Variants in DUOX2 observed in about 807,000 individuals in gnomAD.
DUOX2 encodes the protein NADH/NADPH thyroid oxidase p138-tox.
DUOX2 carries 185 observed loss-of-function variants against 183.3 expected under a neutral mutation model. The ratio of observed to expected loss-of-function variants is 1.01; its 90% CI spans 0.90 to 1.14. The LOEUF (loss-of-function observed/expected upper bound fraction) is 1.14, where lower values mean the gene tolerates loss of function less well. DUOX2 is among the 50% of genes most tolerant of loss of function. The pLI, the probability that DUOX2 is intolerant of heterozygous loss-of-function variation, is 0.00. For synonymous variants in DUOX2, 788 were observed against 812.4 expected (o/e 0.97, Z 0.51); for missense variants, 1,999 against 2,022.9 (o/e 0.99, Z 0.23).
At chr15:45,109,856 A>C (rs1016224738) in intron 10 of DUOX2, 34 bp downstream of exon 10, 15 of 1,597,006 alleles carry the variant, frequency 9.4e-6, no homozygotes, top group Non-Finnish European at 1.3e-5. Context: ...ACTGACCTTG[A>C]CCCATCTTCC....
At position 45,096,121 on chromosome 15, in the gene DUOX2, T is replaced by G. The variant is rs1352910686; in HGVS notation, c.3848-61A>C. 7 of 1,415,168 alleles carry G rather than the reference T, an allele frequency of 4.9e-6. No homozygotes were observed. The South Asian group carries it at 5.8e-5, about 12-fold the overall frequency. The allele number at this position is 1,415,168 out of a possible 1,614,324, so 87.7% of individuals were successfully genotyped here. ...AGGCCTGCTCCTGGTACCTGAGGAC[T>G]GATAGGCACCTGTCCTCTTCACACC... On this transcript the variant is annotated intron_variant, in intron 29 of 33. Coordinates refer to ENST00000389039, the MANE Select transcript of DUOX2 (RefSeq NM_001363711.2).
intron 15 of DUOX2, 43 bp downstream of exon 15, chr15:45,106,789 G>A (rs1894227613): frequency 6.3e-7 from 1 of 1,598,870 alleles, no homozygotes; most frequent in Non-Finnish European, 8.5e-7. Flanking sequence ...AGCAGGAAAT[G>A]AGGGGCAGGG....
Position 45,112,561 on chromosome 15 carries a change from G to A in DUOX2, c.318C>T (p.Val106=), listed in dbSNP as rs750730588. The change falls in exon 4 of 34, where the codon GTC becomes GTT. Residue 106 remains valine, a synonymous_variant. Transcript: ENST00000389039. ...CTCCCCCTTTGCCCTCACCAAAGAAGACCCCCAGTACGGTGCGGTTGTGGA... is the reference window on the plus strand; with the variant it reads ...CTCCCCCTTTGCCCTCACCAAAGAAAACCCCCAGTACGGTGCGGTTGTGGA... The part of the protein sequence containing the change: ...PSLHNRTVLG[V]FFGYHVLSDV... 1.9e-6 allele frequency: 3 copies of A among 1,612,942 alleles called. No homozygotes were observed. The South Asian group carries it at 3.3e-5, about 18-fold the overall frequency.
chr15:45,106,159 G>T lies in DUOX2; in HGVS notation c.2114C>A (p.Thr705Asn). ...CTCCTTAGGGATCTTGAGCAGCAGG[G>T]TGCGGCATCCTCGGTTGTTGGACAG... is the stretch of plus-strand genomic sequence containing the variant. ...LILSNNRGCR[T>N]LLLKIPKEYD... is the part of the protein sequence containing the mutation. The change falls in exon 17 of 34, where the codon ACC (threonine) becomes AAC (asparagine). Residue 705 changes from threonine to asparagine, a missense_variant. Transcript: ENST00000389039. 1 of 1,614,248 alleles carries T rather than the reference G, an allele frequency of 6.2e-7. No homozygotes were observed. Among genetic ancestry groups the T allele is most frequent in the South Asian group, 1.1e-5 (1 of 91,088 alleles).
Position 45,095,831 on chromosome 15 carries a change from T to C in DUOX2, c.4077A>G (p.Pro1359=). 1 of 1,613,722 alleles carries C rather than the reference T, an allele frequency of 6.2e-7. No individual in the cohort carries two copies. Among genetic ancestry groups the C allele is most frequent in the Non-Finnish European group, 8.5e-7 (1 of 1,179,754 alleles). Residue 1359 remains proline (P), a synonymous_variant, in exon 30 of 34, where the codon CCA becomes CCG. Coordinates refer to ENST00000389039, the MANE Select transcript of DUOX2 (RefSeq NM_001363711.2). ...CAGGGTTCCCAGTGACGGGCACCTT[T>C]GGGTATCCAGCACAGCCATTGCCCT... ...SPKGNGCAGY[P]KLYLDGPFGE...
chr15:45,108,507 G>T, intron 12 of DUOX2: 1 of 600,828 alleles, frequency 1.7e-6, no homozygotes, highest in Admixed American at 2.9e-5. Context: ...ACAGCCCTTG[G>T]GGTGGGACCC....
intron 5 of DUOX2, 39 bp downstream of exon 5, chr15:45,111,729 C>G: frequency 6.7e-7 from 1 of 1,503,730 alleles, no homozygotes; most frequent in Non-Finnish European, 8.9e-7. Flanking sequence ...CCCCACCTGG[C>G]TGGGGTGCGG....
At chr15:45,106,704 A>G in intron 15 of DUOX2, 63 bp from the exon 16 acceptor site, 1 of 1,611,064 alleles carries the variant, frequency 6.2e-7, no homozygotes, top group Non-Finnish European at 8.5e-7. Flanking sequence ...ACTGTGGCTT[A>G]GGCTATGGCC....
chr15:45,101,828 T>G lies in DUOX2; in HGVS notation c.2816A>C (p.Gln939Pro). 3 of 1,614,222 alleles carry G rather than the reference T, an allele frequency of 1.9e-6. No homozygotes were observed. Among genetic ancestry groups the G allele is most frequent in the Non-Finnish European group, 2.5e-6 (3 of 1,180,038 alleles). ...TCCACCTCCACCTTTGACACAGAGC[T>G]GCGTGAAGCGGAGCTCGCTGTCATG... ...RDHDSELRFT[Q>P]LCVKGGGGGG... is the part of the protein sequence containing the mutation. Residue 939 changes from glutamine to proline, a missense_variant, in exon 21 of 34, where the codon CAG (glutamine) becomes CCG (proline). Transcript: ENST00000389039.
chr15:45,111,680 G>C (rs1242801052), intron 5 of DUOX2, 88 bp downstream of exon 5: 2 of 1,442,608 alleles, frequency 1.4e-6, no homozygotes, highest in Non-Finnish European at 1.8e-6. Flanking sequence ...GGGAGTGGGC[G>C]CCTCTCCCCT....
At chr15:45,095,704 G>C in intron 30 of DUOX2, 109 bp from the exon 31 acceptor site, 1 of 1,564,308 alleles carries the variant, frequency 6.4e-7, no homozygotes, top group Admixed American at 1.8e-5. Context: ...TCTTTTCTGA[G>C]GCACCCCGGT....
Position 45,105,724 on chromosome 15 carries a change from C to T in DUOX2, c.2253G>A (p.Glu751=). 6.2e-7 allele frequency: 1 copy of T among 1,614,258 alleles called. No homozygotes were observed. Among genetic ancestry groups the T allele is most frequent in the East Asian group, 2.2e-5 (1 of 44,888 alleles). ...ALGLHVAEMS[E]KELFRKAVTK... ...TCACAGCCTTCCTAAATAGCTCCTT[C>T]TCGCTCATCTCAGCCACATGGAGGC... The change falls in exon 18 of 34, where the codon GAG becomes GAA. Residue 751 remains glutamate (E), a synonymous_variant. Coordinates refer to ENST00000389039, the MANE Select transcript of DUOX2 (RefSeq NM_001363711.2).
Position 45,095,051 on chromosome 15 carries a change from T to A in DUOX2, c.4280A>T (p.Glu1427Val). The A allele has an allele frequency of 6.2e-7, 1 of 1,614,092 alleles. No individual in the cohort carries two copies. The highest frequency in any genetic ancestry group is 8.5e-7 in the Non-Finnish European group (1 of 1,180,004). Residue 1427 changes from glutamate to valine, a missense_variant, in exon 32 of 34, where the codon GAG becomes GTG. Transcript: ENST00000389039. The stretch of plus-strand genomic sequence containing the variant: ...CTCTTGGATGATGTCAGCCAGCCAC[T>A]CAAACTGACGCTGGGTCCGTGTCAC... ...IWVTRTQRQF[E>V]WLADIIQEVE...
At chr15:45,096,351 T>C (rs957339319) in intron 29 of DUOX2, among the ~76,000 whole-genome samples, 2 of 152,050 alleles carry the variant, frequency 1.3e-5, no homozygotes, top group African/African-American at 4.8e-5. Flanking sequence ...ACCTGCTGGG[T>C]AAAGGGACTC....
intron 4 of DUOX2, 55 bp downstream of exon 4, chr15:45,112,499 C>T (rs1306905361): frequency 1.3e-6 from 2 of 1,598,666 alleles, no homozygotes; most frequent in African/African-American, 2.7e-5. Context: ...TGGCCCCTCC[C>T]CCAGGCTGAG....
Position 45,097,111 on chromosome 15 carries a change from T to C in DUOX2, c.3847+127A>G, listed in dbSNP as rs1445387037. ...TCAGGAACCCCCGAGAGTGGTTTTT[T>C]GTTGTTGTTGTTTTTGGAGACAGAG... On this transcript the variant is annotated intron_variant, in intron 29 of 33. Transcript: ENST00000389039. 4.2e-6 allele frequency: 6 copies of C among 1,441,860 alleles called. No homozygotes were observed. In the African/African-American group the frequency reaches 8.4e-5, roughly 20 times the overall value. 89.3% of individuals were successfully genotyped at this position (1,441,860 alleles called of 1,614,324 possible).
Position 45,112,542 on chromosome 15 carries a change from C to G in DUOX2, c.325+12G>C. On this transcript the variant is annotated intron_variant, in intron 4 of 33. Transcript: ENST00000389039. ...CCAGATCAACCCCACTGGTCTCCCC[C>G]TTTGCCCTCACCAAAGAAGACCCCC... The G allele has an allele frequency of 1.2e-6, 2 of 1,612,576 alleles. No individual in the cohort carries two copies. Among genetic ancestry groups the G allele is most frequent in the South Asian group, 1.1e-5 (1 of 91,058 alleles).
chr15:45,097,130 G>A, intron 29 of DUOX2, 108 bp downstream of exon 29: 2 of 1,530,802 alleles, frequency 1.3e-6, no homozygotes, highest in Non-Finnish European at 1.8e-6. Context: ...TGTTTTTGGA[G>A]ACAGAGTCAG....
Position 45,111,235 on chromosome 15 carries a change from G to A in DUOX2, c.758C>T (p.Ala253Val). The change falls in exon 7 of 34, where the codon GCG (alanine) becomes GTG (valine). Residue 253 changes from alanine to valine, a missense_variant. Ala to Val is a moderately conservative substitution (Grantham distance 64, BLOSUM62 0). This residue lies in a region of DUOX2 where 15 missense variants were observed against 57.9 expected (regional missense o/e 0.26). Transcript: ENST00000389039. ...ERGNREPFLQALGLLWFRYHN... is the reference protein window; with the variant it reads ...ERGNREPFLQVLGLLWFRYHN... Reference sequence around the variant, plus strand: ...GTAGCGGAACCAGAGCAGGCCCAGCGCCTGCAGGAAGGGTTCCCGGTTCCC... The same window carrying A: ...GTAGCGGAACCAGAGCAGGCCCAGCACCTGCAGGAAGGGTTCCCGGTTCCC... 13 of 1,325,184 alleles carry A rather than the reference G, an allele frequency of 9.8e-6. No homozygotes were observed. The highest frequency in any genetic ancestry group is 1.3e-5 in the Non-Finnish European group (13 of 980,110). 82.1% of individuals were successfully genotyped at this position (1,325,184 alleles called of 1,614,324 possible). A position where few individuals can be genotyped will look rare whatever the true frequency, so the allele number is the denominator to read the frequency against.
Sources: allele counts gnomAD v4.1 joint callset (sites outside exome capture counted in the v4.1 genomes callset), GRCh38; gene constraint gnomAD v4.1.1; regional missense constraint gnomAD v4.1.1; transcripts MANE v1.5; gene names NCBI Gene and HGNC (gene_info 2026-07-23, HGNC 2026-07-21).